Variants in GAS7 observed in about 807,000 individuals in gnomAD.
GAS7 encodes growth arrest specific 7.
A neutral mutation model predicts 71.1 loss-of-function variants in GAS7; 28 were observed. That is an observed-to-expected ratio of 0.39 (90% CI 0.29 to 0.54). The LOEUF (loss-of-function observed/expected upper bound fraction) is 0.54. Among genes scored for constraint, GAS7 ranks in the 20% least tolerant of loss-of-function variants. The probability of loss-of-function intolerance (pLI) is 0.62; values close to 1 mark genes in which losing one functional copy is unlikely to be tolerated. For synonymous variants in GAS7, 258 were observed against 245.8 expected (o/e 1.05, Z -0.46); for missense variants, 436 against 627.8 (o/e 0.69, Z 3.27).
At chr17:9,951,592 A>T (rs981050601) in intron 5 of GAS7, among the ~76,000 whole-genome samples, 1 of 152,124 alleles carries the variant, frequency 6.6e-6, no homozygotes, top group African/African-American at 2.4e-5. Context: ...CCCCATCTCT[A>T]CTAAAAATAC....
intron 1 of GAS7, among the ~76,000 whole-genome samples, chr17:10,044,082 T>C (rs992439542): frequency 1.3e-5 from 2 of 152,278 alleles, no homozygotes; most frequent in Non-Finnish European, 2.9e-5. Flanking sequence ...CTACGGTACC[T>C]GACAAGCAAT....
intron 2 of GAS7, among the ~76,000 whole-genome samples, chr17:9,997,871 G>C (rs933211051): frequency 2.6e-5 from 4 of 152,238 alleles, no homozygotes; most frequent in Non-Finnish European, 5.9e-5. Context: ...GAGGCAGATG[G>C]AAGAGATGCA....
intron 6 of GAS7, among the ~76,000 whole-genome samples, chr17:9,944,510 G>A (rs1429463343): frequency 3.9e-5 from 6 of 152,168 alleles, no homozygotes; most frequent in Non-Finnish European, 8.8e-5. Context: ...ATCCAGATCA[G>A]ACATTTTAGG....
At chr17:10,098,866 G>T (rs1053137267) in intron 1 of GAS7, among the ~76,000 whole-genome samples, 2 of 152,242 alleles carry the variant, frequency 1.3e-5, no homozygotes, top group African/African-American at 4.8e-5. Context: ...GGCTGAGGCA[G>T]AATGGCGTGA....
intron 2 of GAS7, among the ~76,000 whole-genome samples, chr17:10,012,254 G>A (rs934914289): frequency 1.3e-5 from 2 of 152,070 alleles, no homozygotes; most frequent in Non-Finnish European, 2.9e-5. Context: ...ATTAAGTGAA[G>A]AAGCATGCAT....
chr17:9,949,955 T>C (rs2068941836), intron 5 of GAS7, among the ~76,000 whole-genome samples: 2 of 148,740 alleles, frequency 1.3e-5, no homozygotes, highest in South Asian at 4.4e-4. Flanking sequence ...TCTGCTTCAC[T>C]GGCTCAAGTG....
At chr17:10,127,106 G>C (rs957730233) in intron 1 of GAS7, among the ~76,000 whole-genome samples, 1 of 152,188 alleles carries the variant, frequency 6.6e-6, no homozygotes, top group African/African-American at 2.4e-5. Context: ...AATTGGGAGA[G>C]TGTGGATTTC....
In GAS7 at chr17:9,959,807, C is replaced by CCGA. The variant is rs771756063; in HGVS notation, c.472-555_472-553dup. Among the ~76,000 whole-genome samples the CCGA allele has an allele frequency of 8.6e-4, 130 of 151,980 alleles. No homozygotes were observed. Among genetic ancestry groups the CCGA allele is most frequent in the Non-Finnish European group, 1.2e-3 (85 of 68,028 alleles). On this transcript the variant is annotated intron_variant, in intron 4 of 13. Transcript: ENST00000432992. This position sits in a 1 kb window ranked among gnomAD's most constrained non-coding sequence, Gnocchi z 5.0. ...AGCCAGGAGGGATTTCTCAGCCAAA[C>CCGA]CGACTTCCAGCTTCCACTCAGTCTT...
intron 1 of GAS7, among the ~76,000 whole-genome samples, chr17:10,118,553 A>C (rs2073880402): frequency 6.6e-6 from 1 of 152,108 alleles, no homozygotes; most frequent in Non-Finnish European, 1.5e-5. Flanking sequence ...TCTACTAAAA[A>C]TACAAAAATT....
intron 1 of GAS7, among the ~76,000 whole-genome samples, chr17:10,079,476 C>T (rs896611426): frequency 3.3e-5 from 5 of 152,200 alleles, no homozygotes; most frequent in African/African-American, 1.2e-4. Context: ...AACCTATTCT[C>T]TCTGAAGCCT....
chr17:9,970,794 C>T (rs2069929618), intron 3 of GAS7, among the ~76,000 whole-genome samples: 3 of 152,150 alleles, frequency 2.0e-5, no homozygotes, highest in South Asian at 2.1e-4. Flanking sequence ...TAGTATCTGT[C>T]GATTTCTGTG....
intron 1 of GAS7, among the ~76,000 whole-genome samples, chr17:10,119,871 C>T (rs948801564): frequency 2.6e-5 from 4 of 152,176 alleles, no homozygotes; most frequent in Non-Finnish European, 5.9e-5. Flanking sequence ...TTCCTTTTGC[C>T]TGACTATTCT....
At chr17:10,125,306 T>G (rs2142080541) in intron 1 of GAS7, among the ~76,000 whole-genome samples, 1 of 151,674 alleles carries the variant, frequency 6.6e-6, no homozygotes, top group East Asian at 1.9e-4. Flanking sequence ...TTACTGGAGG[T>G]CAGGAGTTCA....
At chr17:10,014,400 A>G (rs1021006536) in intron 2 of GAS7, among the ~76,000 whole-genome samples, 1 of 152,156 alleles carries the variant, frequency 6.6e-6, no homozygotes, top group Non-Finnish European at 1.5e-5. Context: ...CCTTGCCACA[A>G]TATTCTGATC....
intron 2 of GAS7, among the ~76,000 whole-genome samples, chr17:9,983,394 G>C (rs2070510590): frequency 6.6e-6 from 1 of 152,004 alleles, no homozygotes; most frequent in Non-Finnish European, 1.5e-5. Context: ...AGGAGGCTGA[G>C]CTGGGAGGAT....
At chr17:9,949,715 G>C (rs906911379) in intron 5 of GAS7, among the ~76,000 whole-genome samples, 3 of 152,098 alleles carry the variant, frequency 2.0e-5, no homozygotes, top group Admixed American at 6.5e-5. Flanking sequence ...GAGATGACAG[G>C]GCTGCACCAA....
At chr17:10,170,562 T>C (rs1186626541) in intron 1 of GAS7, among the ~76,000 whole-genome samples, 1 of 152,234 alleles carries the variant, frequency 6.6e-6, no homozygotes, top group East Asian at 1.9e-4. Flanking sequence ...TAATGAGACC[T>C]TCTCTGCCCA....
chr17:9,914,625 T>C lies in GAS7; in HGVS notation c.*2603A>G, dbSNP rs1308652932. ...TGGTGACCAGGTGATTAAAATCTTG[T>C]TGCTGTCTACCTTCCATCCAACAGG... On this transcript the variant is annotated 3_prime_UTR_variant, in exon 14 of 14. Transcript: ENST00000432992. 2 of 212,732 alleles carry C rather than the reference T, an allele frequency of 9.4e-6. No individual in the cohort carries two copies. Among genetic ancestry groups the C allele is most frequent in the Non-Finnish European group, 9.5e-6 (1 of 105,094 alleles). 13.2% of individuals were successfully genotyped at this position (212,732 alleles called of 1,614,324 possible).
chr17:10,006,647 T>A (rs2071546419), intron 2 of GAS7, among the ~76,000 whole-genome samples: 1 of 134,998 alleles, frequency 7.4e-6, no homozygotes, highest in South Asian at 2.3e-4. Context: ...TTCTTTGACT[T>A]AGCCTCAGCT....
Sources: allele counts gnomAD v4.1 joint callset (sites outside exome capture counted in the v4.1 genomes callset), GRCh38; gene constraint gnomAD v4.1.1; non-coding constraint Gnocchi (gnomAD v3.1); transcripts MANE v1.5; gene names NCBI Gene and HGNC (gene_info 2026-07-23, HGNC 2026-07-21).